BANK1: variants seen among roughly 807,000 people sequenced by gnomAD.
BANK1 encodes B-cell scaffold protein with ankyrin repeats.
In BANK1, 95 loss-of-function variants were observed where a neutral mutation model predicts 94.5. The observed-to-expected ratio is 1.00, with a 90% CI of 0.85 to 1.19. The LOEUF (loss-of-function observed/expected upper bound fraction) is 1.19. Ranked by LOEUF, BANK1 falls within the 50% of genes most tolerant of loss-of-function variation. The pLI, the probability that BANK1 is intolerant of heterozygous loss-of-function variation, is 0.00. For synonymous variants in BANK1, 334 were observed against 308.4 expected (o/e 1.08, Z -0.87); for missense variants, 987 against 932.2 (o/e 1.06, Z -0.77).
chr4:102,041,052 CCACAACT>C (rs752112477), intron 10 of BANK1, among the ~76,000 whole-genome samples: 1 of 152,040 alleles, frequency 6.6e-6, no homozygotes, highest in Non-Finnish European at 1.5e-5. Flanking sequence ...GTCTAACTAA[CCACAACT>C]CTTGCTTTAC....
intron 13 of BANK1, among the ~76,000 whole-genome samples, chr4:102,066,794 A>G (rs1322844714): frequency 6.6e-6 from 1 of 152,216 alleles, no homozygotes; most frequent in Non-Finnish European, 1.5e-5. Flanking sequence ...GCAGGTAGAT[A>G]TAAAATATTA....
At chr4:101,947,026 T>C (rs1723952537) in intron 7 of BANK1, among the ~76,000 whole-genome samples, 1 of 151,608 alleles carries the variant, frequency 6.6e-6, no homozygotes, top group African/African-American at 2.4e-5. Flanking sequence ...GAGAAGTAAG[T>C]CATAAATGAA....
chr4:101,848,828 A>C (rs746913663), intron 2 of BANK1, among the ~76,000 whole-genome samples: 2 of 152,188 alleles, frequency 1.3e-5, no homozygotes, highest in Non-Finnish European at 2.9e-5. Context: ...TAGGCATTAG[A>C]GATGGATGTC....
intron 7 of BANK1, among the ~76,000 whole-genome samples, chr4:101,921,255 C>T (rs111746934): frequency 9.2e-5 from 14 of 151,752 alleles, no homozygotes; most frequent in Non-Finnish European, 2.1e-4. Context: ...AACAATATCA[C>T]CTGAGAGAAT....
rs201776580 is a variant in BANK1, at chr4:101,986,871, G to GTATATA, written c.1207-34640_1207-34639insATATAT. ...TATATATATGTATATATATATGTGT[G>GTATATA]TATGTGTGTGTGTGTGTGTGTGTGT... On this transcript the variant is annotated intron_variant, in intron 7 of 16. Coordinates refer to ENST00000322953, the MANE Select transcript of BANK1 (RefSeq NM_017935.5). 5.0e-4 allele frequency among the ~76,000 whole-genome samples: 25 copies of GTATATA among 49,702 alleles called. 1 individual carries two copies. Among genetic ancestry groups the GTATATA allele is most frequent in the African/African-American group, 2.1e-3 (24 of 11,432 alleles). 32.6% of individuals were successfully genotyped at this position (49,702 alleles called of 152,430 possible).
intron 13 of BANK1, 46 bp from the exon 14 acceptor site, chr4:102,071,229 A>C (rs1231415628): frequency 1.3e-6 from 2 of 1,589,908 alleles, no homozygotes; most frequent in East Asian, 4.5e-5. Context: ...ATTTAAGATA[A>C]ATATTGAACA....
At chr4:101,965,347 A>G (rs1320167109) in intron 7 of BANK1, among the ~76,000 whole-genome samples, 1 of 152,056 alleles carries the variant, frequency 6.6e-6, no homozygotes, top group East Asian at 1.9e-4. Flanking sequence ...AATAAAAAAA[A>G]AAAAACAGTG....
At chr4:101,899,969 T>C (rs1722220071) in intron 6 of BANK1, among the ~76,000 whole-genome samples, 1 of 152,178 alleles carries the variant, frequency 6.6e-6, no homozygotes, top group Admixed American at 6.5e-5. Flanking sequence ...GGTAAGCCCT[T>C]CTCCACTTTT....
At chr4:101,938,891 A>G (rs1394430529) in intron 7 of BANK1, among the ~76,000 whole-genome samples, 2 of 151,664 alleles carry the variant, frequency 1.3e-5, no homozygotes, top group African/African-American at 4.8e-5. Context: ...ATCTCTCCCT[A>G]TCTCAGGCAA....
At chr4:101,874,541 A>G (rs1189272263) in intron 5 of BANK1, among the ~76,000 whole-genome samples, 4 of 152,148 alleles carry the variant, frequency 2.6e-5, no homozygotes, top group Non-Finnish European at 5.9e-5. Flanking sequence ...TCTAGTCTCT[A>G]AGCTTTACCA....
At chr4:101,831,560 T>C (rs1278537993) in intron 2 of BANK1, among the ~76,000 whole-genome samples, 1 of 152,156 alleles carries the variant, frequency 6.6e-6, no homozygotes, top group African/African-American at 2.4e-5. Flanking sequence ...TGGCAACCTC[T>C]GCCTCCCAGG....
intron 2 of BANK1, among the ~76,000 whole-genome samples, chr4:101,847,004 C>A (rs1441091325): frequency 6.6e-6 from 1 of 152,152 alleles, no homozygotes; most frequent in Non-Finnish European, 1.5e-5. Flanking sequence ...TCCCTGTCAG[C>A]ATCTGCTGCG....
At chr4:102,001,548 C>T (rs1216036007) in intron 7 of BANK1, among the ~76,000 whole-genome samples, 6 of 151,992 alleles carry the variant, frequency 3.9e-5, no homozygotes, top group Admixed American at 3.3e-4. Flanking sequence ...TGCAGTGAGC[C>T]GAGATTGTGC....
chr4:101,943,538 T>C (rs770002500), intron 7 of BANK1, among the ~76,000 whole-genome samples: 5 of 151,552 alleles, frequency 3.3e-5, no homozygotes, highest in Non-Finnish European at 5.9e-5. Context: ...AGTAAATAAA[T>C]GGTGGGGCTC....
At chr4:101,945,819 G>A (rs1361624272) in intron 7 of BANK1, among the ~76,000 whole-genome samples, 1 of 151,924 alleles carries the variant, frequency 6.6e-6, no homozygotes, top group African/African-American at 2.4e-5. Context: ...GTGAGCATAA[G>A]AGAGGATAGA....
chr4:101,960,254 AG>A (rs1222164359), intron 7 of BANK1, among the ~76,000 whole-genome samples: 1 of 152,140 alleles, frequency 6.6e-6, no homozygotes, highest in Non-Finnish European at 1.5e-5. Flanking sequence ...TGGATGAAAA[AG>A]GTTGGGTCAT....
At chr4:101,981,520 G>A (rs1279170724) in intron 7 of BANK1, among the ~76,000 whole-genome samples, 1 of 151,970 alleles carries the variant, frequency 6.6e-6, no homozygotes, top group Non-Finnish European at 1.5e-5. Context: ...AAAATGTTCT[G>A]TAGCATATGT....
At chr4:101,905,850 T>C (rs1361156656) in intron 6 of BANK1, among the ~76,000 whole-genome samples, 3 of 152,230 alleles carry the variant, frequency 2.0e-5, no homozygotes, top group Admixed American at 6.5e-5. Context: ...AGTCATCTTT[T>C]TAAGAGATTC....
At chr4:101,966,700 G>C (rs1375245909) in intron 7 of BANK1, among the ~76,000 whole-genome samples, 1 of 152,022 alleles carries the variant, frequency 6.6e-6, no homozygotes, top group Non-Finnish European at 1.5e-5. Flanking sequence ...TGGCTCCCAA[G>C]TGAGAATAAA....
Sources: allele counts gnomAD v4.1 joint callset (sites outside exome capture counted in the v4.1 genomes callset), GRCh38; gene constraint gnomAD v4.1.1; transcripts MANE v1.5; gene names NCBI Gene and HGNC (gene_info 2026-07-23, HGNC 2026-07-21).